CYREN: variants seen among roughly 807,000 people sequenced by gnomAD.
CYREN encodes cell cycle regulator of NHEJ.
In CYREN, 7 loss-of-function variants were observed where a neutral mutation model predicts 9.7. The observed-to-expected ratio is 0.72, with a 90% CI of 0.41 to 1.36. CYREN has a LOEUF of 1.36. Ranked by LOEUF, CYREN falls within the 40% of genes most tolerant of loss-of-function variation. CYREN has a pLI of 0.01. For synonymous variants in CYREN, 76 were observed against 77.9 expected (o/e 0.98, Z 0.13); for missense variants, 215 against 198.1 (o/e 1.09, Z -0.51).
chr7:135,094,816 G>A (rs2116945806), intron 2 of CYREN, among the ~76,000 whole-genome samples: 1 of 152,248 alleles, frequency 6.6e-6, no homozygotes, highest in South Asian at 2.1e-4. Flanking sequence ...TACATAAGTT[G>A]TTTGTCAGAT....
chr7:135,162,001 C>T (rs779601709), downstream of CYREN, among the ~76,000 whole-genome samples: 73 of 152,250 alleles, frequency 4.8e-4, no homozygotes, highest in Non-Finnish European at 9.8e-4. Context: ...TCTCCATCAG[C>T]CAGCCTGCCC....
Position 135,151,958 on chromosome 7 carries a change from C to T in CYREN, n.356+16791G>A, listed in dbSNP as rs1410045626. On this transcript the variant is annotated intron_variant and non_coding_transcript_variant, in intron 2 of 2. Transcript: ENST00000459937. This position sits in a 1 kb window ranked among gnomAD's most constrained non-coding sequence, Gnocchi z 4.3. ...GTTCATCTCTGGGAATGAACCCTGG[C>T]ACTATTTGTCTTCCTAGAATCTCAC... is the stretch of plus-strand genomic sequence containing the variant. Among the ~76,000 whole-genome samples the T allele has an allele frequency of 6.6e-6, 1 of 152,170 alleles. No individual in the cohort carries two copies. Among genetic ancestry groups the T allele is most frequent in the Non-Finnish European group, 1.5e-5 (1 of 68,032 alleles).
At chr7:135,109,906 G>T (rs114462109) in intron 2 of CYREN, among the ~76,000 whole-genome samples, 3 of 152,212 alleles carry the variant, frequency 2.0e-5, no homozygotes, top group African/African-American at 7.2e-5. Context: ...TACCAGGGAG[G>T]CTCTGAACCA....
chr7:135,120,562 C>T (rs1294270359), intron 2 of CYREN, among the ~76,000 whole-genome samples: 1 of 152,124 alleles, frequency 6.6e-6, no homozygotes, highest in Non-Finnish European at 1.5e-5. Context: ...AAAAGATAAA[C>T]TTTTTTTAAA....
At chr7:135,114,997 T>C (rs896194340) in intron 2 of CYREN, among the ~76,000 whole-genome samples, 9 of 152,194 alleles carry the variant, frequency 5.9e-5, no homozygotes, top group Admixed American at 1.3e-4. Flanking sequence ...TTCTTGGTGT[T>C]CTTGAACACA....
At chr7:135,121,145 C>T (rs529194200) in intron 2 of CYREN, among the ~76,000 whole-genome samples, 7 of 152,184 alleles carry the variant, frequency 4.6e-5, no homozygotes, top group Admixed American at 4.6e-4. Flanking sequence ...GTGGAGGTTG[C>T]GGTGAGCCAA....
chr7:135,167,527 T>C, intron 3 of CYREN: 2 of 1,422,198 alleles, frequency 1.4e-6, no homozygotes, highest in Non-Finnish European at 1.8e-6. Flanking sequence ...CCTCCCAGGC[T>C]TCTAGCCTCA....
chr7:135,157,719 G>A (rs1585350778), intron 2 of CYREN, among the ~76,000 whole-genome samples: 1 of 152,220 alleles, frequency 6.6e-6, no homozygotes, highest in Non-Finnish European at 1.5e-5. Flanking sequence ...TGATGGGTTG[G>A]GTGAGCTACT....
chr7:135,156,851 G>C (rs7790371), intron 2 of CYREN, among the ~76,000 whole-genome samples: 73,428 of 151,926 alleles, frequency 0.48, 18,095 homozygotes, highest in South Asian at 0.64. Flanking sequence ...GAGAGGGGAC[G>C]CCAGGGGAGG....
chr7:135,168,909 T>C lies in CYREN; in HGVS notation c.14A>G (p.Gln5Arg), dbSNP rs1307669927. Reference protein sequence around the residue: METLQSETKTRVLPS... With the variant: METLRSETKTRVLPS... The stretch of plus-strand genomic sequence containing the variant: ...AAGGACCCTCGTTTTAGTCTCGGAT[T>C]GTAAGGTTTCCATCTCTGTACCTTC... The change falls in exon 2 of 4, where the codon CAA becomes CGA. Residue 5 changes from glutamine (Q) to arginine (R), a missense_variant. By Grantham distance (43) the Gln-to-Arg change is conservative. Transcript: ENST00000393114. 6.2e-7 allele frequency: 1 copy of C among 1,609,652 alleles called. No individual in the cohort carries two copies. The highest frequency in any genetic ancestry group is 8.5e-7 in the Non-Finnish European group (1 of 1,177,780).
intron 2 of CYREN, among the ~76,000 whole-genome samples, chr7:135,096,790 A>AGAAAGAAAGAAG (rs1822963581): frequency 6.7e-6 from 1 of 150,324 alleles, no homozygotes; most frequent in Non-Finnish European, 1.5e-5. Context: ...AAAGAAAGAA[A>AGAAAGAAAGAAG]GAAAAAGGGA....
At chr7:135,097,795 G>A (rs1823137200) in intron 2 of CYREN, among the ~76,000 whole-genome samples, 1 of 152,082 alleles carries the variant, frequency 6.6e-6, no homozygotes, top group African/African-American at 2.4e-5. Flanking sequence ...TTGTGACAAA[G>A]ACGTGTATGG....
intron 2 of CYREN, among the ~76,000 whole-genome samples, chr7:135,101,471 G>T (rs1585119148): frequency 6.6e-6 from 1 of 151,822 alleles, no homozygotes; most frequent in African/African-American, 2.4e-5. Context: ...AATATAGAAG[G>T]AAATTATTTC....
At chr7:135,137,947 C>A (rs916940501) in intron 2 of CYREN, among the ~76,000 whole-genome samples, 4 of 151,940 alleles carry the variant, frequency 2.6e-5, no homozygotes, top group Non-Finnish European at 4.4e-5. Context: ...GAGGGCTTCA[C>A]CCTCATGACC....
chr7:135,149,947 T>C (rs1216718456), intron 2 of CYREN, among the ~76,000 whole-genome samples: 1 of 152,230 alleles, frequency 6.6e-6, no homozygotes, highest in African/African-American at 2.4e-5. Context: ...TTAATTATAT[T>C]TATGTTGTTT....
chr7:135,136,163 T>G (rs1251740115), intron 2 of CYREN, among the ~76,000 whole-genome samples: 1 of 151,962 alleles, frequency 6.6e-6, no homozygotes, highest in South Asian at 2.1e-4. Context: ...AGGTCAACAA[T>G]GGCATCCATT....
At chr7:135,120,560 A>G (rs1349015225) in intron 2 of CYREN, among the ~76,000 whole-genome samples, 2 of 152,244 alleles carry the variant, frequency 1.3e-5, no homozygotes, top group Non-Finnish European at 2.9e-5. Context: ...ACAAAAGATA[A>G]ACTTTTTTTA....
At chr7:135,133,786 A>T (rs1290097683) in intron 2 of CYREN, among the ~76,000 whole-genome samples, 1 of 152,202 alleles carries the variant, frequency 6.6e-6, no homozygotes, top group Non-Finnish European at 1.5e-5. Flanking sequence ...ACCTGTGTGT[A>T]TAACTATTTA....
At chr7:135,158,836 G>A (rs1026936106) in intron 2 of CYREN, among the ~76,000 whole-genome samples, 4 of 152,192 alleles carry the variant, frequency 2.6e-5, no homozygotes, top group Non-Finnish European at 4.4e-5. Flanking sequence ...TCGGCAGCAA[G>A]AGCCATGTCT....
Sources: allele counts gnomAD v4.1 joint callset (sites outside exome capture counted in the v4.1 genomes callset), GRCh38; gene constraint gnomAD v4.1.1; non-coding constraint Gnocchi (gnomAD v3.1); transcripts MANE v1.5; gene names NCBI Gene and HGNC (gene_info 2026-07-23, HGNC 2026-07-21).